Variants in MKNK1 observed in about 807,000 individuals in gnomAD.
The protein encoded by MKNK1 is MAP kinase-interacting serine/threonine-protein kinase 1.
A neutral mutation model predicts 49.3 loss-of-function variants in MKNK1; 30 were observed. That is an observed-to-expected ratio of 0.61 (90% confidence interval 0.46 to 0.83). MKNK1 has a LOEUF of 0.83. Ranked by LOEUF, MKNK1 falls within the 40% of genes least tolerant of loss-of-function variation. MKNK1 has a pLI of 0.00. For synonymous variants in MKNK1, 176 were observed against 201.7 expected (o/e 0.87, Z 1.08); for missense variants, 423 against 524.7 (o/e 0.81, Z 1.89).
intron 2 of MKNK1, 165 bp downstream of exon 2, chr1:46,593,948 C>G (rs1673706741): frequency 1.8e-6 from 1 of 560,324 alleles, no homozygotes; most frequent in East Asian, 2.7e-5. Flanking sequence ...TGTGTTCCTC[C>G]TACTAAGCGT....
chr1:46,564,948 G>C, intron 9 of MKNK1, 93 bp downstream of exon 9: 1 of 1,210,212 alleles, frequency 8.3e-7, no homozygotes, highest in Non-Finnish European at 1.2e-6. Context: ...AGGTCCACTT[G>C]GTTTTCCATC....
chr1:46,557,544 T>G lies in MKNK1; in HGVS notation c.*1031A>C, dbSNP rs1667227441. 1 of 152,690 alleles carries G rather than the reference T, an allele frequency of 6.5e-6. No individual in the cohort carries two copies. Among genetic ancestry groups the G allele is most frequent in the Admixed American group, 6.5e-5 (1 of 15,288 alleles). The allele number at this position is 152,690 out of a possible 1,614,324, so 9.5% of individuals were successfully genotyped here. ...CAATAGTTCCACTTATCTGAATGGCTGTACCTTCATGCACACGGGCAGCAG... is the reference window on the plus strand; with the variant it reads ...CAATAGTTCCACTTATCTGAATGGCGGTACCTTCATGCACACGGGCAGCAG... On this transcript the variant is annotated 3_prime_UTR_variant, in exon 13 of 13. Transcript: ENST00000371945.
chr1:46,558,830 AG>A (rs1667417467), intron 12 of MKNK1, 30 bp from the exon 13 acceptor site: 7 of 1,599,524 alleles, frequency 4.4e-6, no homozygotes, highest in Non-Finnish European at 6.0e-6. Flanking sequence ...CACAGAAAAG[AG>A]GGTCAGGACT....
intron 3 of MKNK1, 89 bp downstream of exon 3, chr1:46,583,139 C>T: frequency 1.0e-6 from 1 of 975,590 alleles, no homozygotes; most frequent in East Asian, 2.4e-5. Context: ...TAACTTGACG[C>T]ATTCTGTGAT....
chr1:46,601,197 G>A (rs543887692), intron 1 of MKNK1, among the ~76,000 whole-genome samples: 154 of 152,338 alleles, frequency 1.0e-3, no homozygotes, highest in Non-Finnish European at 1.6e-3. Context: ...GATTACAGGC[G>A]TGAGCCACAC....
intron 1 of MKNK1, among the ~76,000 whole-genome samples, chr1:46,602,011 A>G (rs1368832413): frequency 6.6e-6 from 1 of 152,232 alleles, no homozygotes; most frequent in African/African-American, 2.4e-5. Context: ...TGGAGGCCAC[A>G]TGAGATGTAA....
At chr1:46,559,135 T>C (rs1397168904) in intron 12 of MKNK1, among the ~76,000 whole-genome samples, 2 of 152,130 alleles carry the variant, frequency 1.3e-5, no homozygotes, top group African/African-American at 4.8e-5. Context: ...TGTCCCTCCC[T>C]CTCCCAGCCT....
chr1:46,558,875 C>T (rs1388099353), intron 12 of MKNK1, 75 bp from the exon 13 acceptor site: 3 of 1,294,490 alleles, frequency 2.3e-6, no homozygotes, highest in African/African-American at 1.5e-5. Flanking sequence ...GGGACACTCC[C>T]ACTTGCTGCT....
At position 46,594,245 on chromosome 1, in the gene MKNK1, A is replaced by G; in HGVS notation, c.-135T>C. 2 of 901,710 alleles carry G rather than the reference A, an allele frequency of 2.2e-6. No individual in the cohort carries two copies. Among genetic ancestry groups the G allele is most frequent in the South Asian group, 1.3e-5 (1 of 76,822 alleles). The allele number at this position is 901,710 out of a possible 1,614,324, so 55.9% of individuals were successfully genotyped here. ...TCAATGGCCTTTGTGCGTAGGTGGC[A>G]ATCTTCAGTTCTCCATCGGCCTCTG... On this transcript the variant is annotated 5_prime_UTR_variant, in exon 2 of 13. Coordinates refer to ENST00000371945, the MANE Select transcript of MKNK1 (RefSeq NM_001135553.4).
At chr1:46,591,873 C>T (rs906192820) in intron 2 of MKNK1, among the ~76,000 whole-genome samples, 6 of 152,070 alleles carry the variant, frequency 3.9e-5, no homozygotes, top group Non-Finnish European at 7.4e-5. Flanking sequence ...TAAAGAGATC[C>T]GTACTCAGGG....
intron 8 of MKNK1, among the ~76,000 whole-genome samples, chr1:46,565,975 A>G (rs1481127695): frequency 6.6e-6 from 1 of 152,046 alleles, no homozygotes; most frequent in Non-Finnish European, 1.5e-5. Flanking sequence ...TTAGTGGTAA[A>G]ATATAAAGCA....
At chr1:46,558,936 T>C (rs757837491) in intron 12 of MKNK1, 136 bp from the exon 13 acceptor site, 31 of 700,606 alleles carry the variant, frequency 4.4e-5, no homozygotes, top group Non-Finnish European at 6.4e-5. Flanking sequence ...GGCTGCTCTC[T>C]CCAAAGTAGT....
Position 46,594,107 on chromosome 1 carries a change from T to G in MKNK1, c.-3+6A>C. 1 of 1,597,298 alleles carries G rather than the reference T, an allele frequency of 6.3e-7. No individual in the cohort carries two copies. Among genetic ancestry groups the G allele is most frequent in the Non-Finnish European group, 8.6e-7 (1 of 1,165,050 alleles). ...AAGGATAACTAAAATGTACACCCAA[T>G]CTTACCTATAGGTTTTTCCAACTTT... On this transcript the variant is annotated splice_donor_region_variant and intron_variant, in intron 2 of 12. Coordinates refer to ENST00000371945, the MANE Select transcript of MKNK1 (RefSeq NM_001135553.4).
intron 9 of MKNK1, among the ~76,000 whole-genome samples, chr1:46,564,738 G>C (rs1478028474): frequency 1.3e-5 from 2 of 152,064 alleles, no homozygotes; most frequent in Admixed American, 1.3e-4. Flanking sequence ...ACCTCCTAAA[G>C]TGCTAGGATT....
intron 11 of MKNK1, among the ~76,000 whole-genome samples, chr1:46,561,198 T>C (rs1430858021): frequency 6.6e-6 from 1 of 152,092 alleles, no homozygotes; most frequent in Non-Finnish European, 1.5e-5. Context: ...CAAATGACAA[T>C]AGGATGCTTG....
intron 2 of MKNK1, among the ~76,000 whole-genome samples, chr1:46,586,470 CT>C (rs1322102378): frequency 6.6e-6 from 1 of 152,184 alleles, no homozygotes; most frequent in Non-Finnish European, 1.5e-5. Context: ...TTTATTTGGC[CT>C]TGAGTGCTCC....
At chr1:46,579,203 C>T (rs12088719) in intron 4 of MKNK1, among the ~76,000 whole-genome samples, 6,311 of 152,324 alleles carry the variant, frequency 0.041, 165 homozygotes, top group African/African-American at 0.079. Flanking sequence ...ACTTGCTCAA[C>T]CTTCTAACCC....
chr1:46,598,322 T>C (rs1375817484), intron 1 of MKNK1, among the ~76,000 whole-genome samples: 1 of 152,100 alleles, frequency 6.6e-6, no homozygotes, highest in Non-Finnish European at 1.5e-5. Context: ...AAAACACAAG[T>C]CAGGTAAGAT....
chr1:46,559,865 G>A (rs893912752), intron 12 of MKNK1: 8 of 319,684 alleles, frequency 2.5e-5, no homozygotes, highest in Admixed American at 2.0e-4. Context: ...AGTACCGTAC[G>A]TGCCCCTCAC....
Sources: allele counts gnomAD v4.1 joint callset (sites outside exome capture counted in the v4.1 genomes callset), GRCh38; gene constraint gnomAD v4.1.1; transcripts MANE v1.5; gene names NCBI Gene and HGNC (gene_info 2026-07-23, HGNC 2026-07-21).